The following UNC5C variants were observed in gnomAD, a reference collection of about 807,000 sequenced individuals.
The protein encoded by UNC5C is unc-5 netrin receptor C.
In UNC5C, 47 loss-of-function variants were observed where a neutral mutation model predicts 99.8. That is an observed-to-expected ratio of 0.47 (90% CI 0.37 to 0.60). The LOEUF (loss-of-function observed/expected upper bound fraction) is 0.60, where lower values mean the gene tolerates loss of function less well. UNC5C is among the 20% of genes least tolerant of loss of function. The pLI is 0.00. For synonymous variants in UNC5C, 487 were observed against 452.2 expected (o/e 1.08, Z -0.98); for missense variants, 1,062 against 1,165.9 (o/e 0.91, Z 1.30).
chr4:95,431,581 T>C (rs1443036385), intron 1 of UNC5C, among the ~76,000 whole-genome samples: 1 of 152,062 alleles, frequency 6.6e-6, no homozygotes, highest in Non-Finnish European at 1.5e-5. Context: ...AGACTTTACA[T>C]GGGAGTAGAA....
intron 1 of UNC5C, among the ~76,000 whole-genome samples, chr4:95,524,091 GT>G (rs1457957836): frequency 6.6e-6 from 1 of 152,158 alleles, no homozygotes; most frequent in East Asian, 1.9e-4. Flanking sequence ...TGTTGGAAAA[GT>G]TGAATTGAAA....
At chr4:95,250,851 C>T (rs1180393744) in intron 4 of UNC5C, among the ~76,000 whole-genome samples, 184 bp from the exon 5 acceptor site, 2 of 152,132 alleles carry the variant, frequency 1.3e-5, no homozygotes, top group Non-Finnish European at 2.9e-5. Flanking sequence ...AGTAACTTTC[C>T]AAGGTCATGT....
chr4:95,379,774 C>A (rs910458018), intron 1 of UNC5C, among the ~76,000 whole-genome samples: 2 of 152,142 alleles, frequency 1.3e-5, no homozygotes, highest in African/African-American at 4.8e-5. Flanking sequence ...AGAATAAGAA[C>A]GGCTTGGTAC....
intron 1 of UNC5C, among the ~76,000 whole-genome samples, chr4:95,347,649 C>T (rs1413936928): frequency 2.0e-5 from 3 of 151,978 alleles, no homozygotes; most frequent in African/African-American, 7.2e-5. Context: ...CAGACATATA[C>T]ACTGGAAAAA....
At position 95,219,144 on chromosome 4, in the gene UNC5C, G is replaced by C. The variant is rs145160489; in HGVS notation, c.1470C>G (p.Pro490=). 1 of 1,613,994 alleles carries C rather than the reference G, an allele frequency of 6.2e-7. No individual in the cohort carries two copies. The highest frequency in any genetic ancestry group is 8.5e-7 in the Non-Finnish European group (1 of 1,180,024). ...KVYNTSGAVT[P]QDDLSEFTSK... ...ACGTAAACTCAGAGAGGTCATCTTG[G>C]GGGGTGACAGCACCTGAGGTGTTGT... The change falls in exon 9 of 16, where the codon CCC becomes CCG. Residue 490 remains proline (P), a synonymous_variant. Coordinates refer to ENST00000453304, the MANE Select transcript of UNC5C (RefSeq NM_003728.4).
rs150610206 is a variant in UNC5C at position 95,181,496 on chromosome 4, G to A, written c.2451+1401C>T. Among the ~76,000 whole-genome samples, 72 of 152,150 alleles carry A rather than the reference G, an allele frequency of 4.7e-4. 1 individual carries two copies. The highest frequency in any genetic ancestry group is 1.3e-3 in the African/African-American group (53 of 41,512). The stretch of plus-strand genomic sequence containing the variant: ...CCCCCTCACCCCCCTCCAAAATTCC[G>A]CAGCCTTTGTTGTCACTGGAGCTGG... On this transcript the variant is annotated intron_variant, in intron 14 of 15. Transcript: ENST00000453304.
intron 14 of UNC5C, among the ~76,000 whole-genome samples, 186 bp downstream of exon 14, chr4:95,182,711 T>C (rs1736660809): frequency 6.6e-6 from 1 of 152,188 alleles, no homozygotes; most frequent in Admixed American, 6.5e-5. Context: ...TTAATATATA[T>C]ATATTTTTTT....
intron 1 of UNC5C, among the ~76,000 whole-genome samples, chr4:95,546,803 T>C (rs1723082467): frequency 6.6e-6 from 1 of 152,204 alleles, no homozygotes; most frequent in African/African-American, 2.4e-5. Flanking sequence ...TCTTTATTGA[T>C]CCTTTTTCTA....
chr4:95,482,082 T>C (rs1241168345), intron 1 of UNC5C, among the ~76,000 whole-genome samples: 1 of 151,790 alleles, frequency 6.6e-6, no homozygotes, highest in East Asian at 1.9e-4. Context: ...ACCTACAAAA[T>C]GGAAGAAAAT....
At chr4:95,321,278 T>C (rs1307626790) in intron 2 of UNC5C, among the ~76,000 whole-genome samples, 1 of 151,996 alleles carries the variant, frequency 6.6e-6, no homozygotes, top group Non-Finnish European at 1.5e-5. Context: ...CAAATAACAA[T>C]AAAAATAAAA....
intron 13 of UNC5C, among the ~76,000 whole-genome samples, chr4:95,183,979 TATC>T (rs1437097757): frequency 1.3e-5 from 2 of 152,212 alleles, no homozygotes; most frequent in African/African-American, 4.8e-5. Context: ...CTTTAACTAA[TATC>T]ATATTATCAT....
intron 4 of UNC5C, 139 bp from the exon 5 acceptor site, chr4:95,250,806 T>C: frequency 1.2e-6 from 1 of 860,094 alleles, no homozygotes; most frequent in Non-Finnish European, 1.8e-6. Context: ...TGTACAATGT[T>C]GTTCCAGGCC....
chr4:95,343,451 C>T (rs1370596830), intron 1 of UNC5C, among the ~76,000 whole-genome samples: 1 of 152,112 alleles, frequency 6.6e-6, no homozygotes, highest in Non-Finnish European at 1.5e-5. Flanking sequence ...CATAGTGTTA[C>T]TGGGCTTGGG....
chr4:95,426,332 G>C (rs950864070), intron 1 of UNC5C, among the ~76,000 whole-genome samples: 3 of 152,128 alleles, frequency 2.0e-5, no homozygotes, highest in Non-Finnish European at 4.4e-5. Context: ...TGTGTTTTCT[G>C]ATTGCTTCAG....
rs116184948 is a variant in UNC5C, at chr4:95,471,528, C to T, written c.124+77206G>A. On this transcript the variant is annotated intron_variant, in intron 1 of 15. Coordinates refer to ENST00000453304, the MANE Select transcript of UNC5C (RefSeq NM_003728.4). ...CCTGCAGTTTACATGAGTACTTGGA[C>T]CCCCCTGACATGCAGTTTACCACAC... 9.8e-3 allele frequency among the ~76,000 whole-genome samples: 1,468 copies of T among 150,456 alleles called. 11 individuals carry two copies. The highest frequency in any genetic ancestry group is 0.017 in the Non-Finnish European group (1,143 of 67,964).
intron 4 of UNC5C, among the ~76,000 whole-genome samples, chr4:95,268,361 G>A (rs1740530203): frequency 6.6e-6 from 1 of 152,186 alleles, no homozygotes; most frequent in Non-Finnish European, 1.5e-5. Flanking sequence ...TTTACCAAAA[G>A]GGCAATGTAA....
intron 1 of UNC5C, among the ~76,000 whole-genome samples, chr4:95,414,336 C>T (rs17023788): frequency 0.062 from 9,411 of 152,210 alleles, 552 homozygotes; most frequent in African/African-American, 0.15. Flanking sequence ...AGGGTCTACA[C>T]TTCCTACAAA....
chr4:95,317,382 C>A (rs981340328), intron 2 of UNC5C, among the ~76,000 whole-genome samples: 3 of 152,180 alleles, frequency 2.0e-5, no homozygotes, highest in Non-Finnish European at 4.4e-5. Context: ...GCTGCATTAA[C>A]AACGTGTTTA....
chr4:95,511,666 C>T (rs768657743), intron 1 of UNC5C, among the ~76,000 whole-genome samples: 2 of 152,080 alleles, frequency 1.3e-5, no homozygotes, highest in South Asian at 4.1e-4. Context: ...CTGCTCTCAA[C>T]GCAGCTTTCA....
Sources: gnomAD v4.1 joint callset for allele counts (sites outside exome capture counted in the v4.1 genomes callset) on GRCh38, gnomAD v4.1.1 for gene constraint, MANE v1.5 for transcripts, NCBI Gene and HGNC (gene_info 2026-07-23, HGNC 2026-07-21) for gene names.